Variants in CFAP54 observed in about 807,000 individuals in gnomAD.
CFAP54 encodes the protein cilia- and flagella-associated protein 54.
In CFAP54, 290 loss-of-function variants were observed where a neutral mutation model predicts 370.4. The observed-to-expected ratio is 0.78, with a 90% confidence interval of 0.71 to 0.86. The LOEUF is 0.86. Ranked by LOEUF, CFAP54 falls within the 40% of genes least tolerant of loss-of-function variation. The pLI, the probability that CFAP54 is intolerant of heterozygous loss-of-function variation, is 0.00. For synonymous variants in CFAP54, 1,206 were observed against 1,236.5 expected (o/e 0.98, Z 0.52); for missense variants, 3,399 against 3,528.7 (o/e 0.96, Z 0.93).
At chr12:96,550,802 A>T (rs1955686129) in intron 15 of CFAP54, among the ~76,000 whole-genome samples, 1 of 152,216 alleles carries the variant, frequency 6.6e-6, no homozygotes, top group African/African-American at 2.4e-5. Flanking sequence ...TTATGAGTAG[A>T]TGCTGCAGTA....
intron 67 of CFAP54, among the ~76,000 whole-genome samples, chr12:96,867,662 A>G (rs1960039587): frequency 6.6e-6 from 1 of 152,246 alleles, no homozygotes; most frequent in Non-Finnish European, 1.5e-5. Context: ...TCAGGCACAG[A>G]AAGACAAATA....
intron 15 of CFAP54, among the ~76,000 whole-genome samples, chr12:96,553,141 G>A (rs1182011195): frequency 6.6e-6 from 1 of 152,252 alleles, no homozygotes; most frequent in East Asian, 1.9e-4. Flanking sequence ...TTCATGCCTT[G>A]CAATGGTGAT....
intron 60 of CFAP54, 131 bp from the exon 61 acceptor site, chr12:96,784,586 A>G: frequency 1.6e-6 from 1 of 606,558 alleles, no homozygotes; most frequent in Non-Finnish European, 2.6e-6. Context: ...GATACAAAAG[A>G]CTTTTAAATT....
intron 46 of CFAP54, among the ~76,000 whole-genome samples, chr12:96,704,166 G>A (rs186147095): frequency 1.5e-3 from 231 of 151,968 alleles, no homozygotes; most frequent in African/African-American, 5.0e-3. Context: ...AGTGGCTCAC[G>A]CCTATAATCC....
At chr12:96,852,686 T>G (rs1399364478) in intron 66 of CFAP54, among the ~76,000 whole-genome samples, 1 of 152,132 alleles carries the variant, frequency 6.6e-6, no homozygotes, top group Non-Finnish European at 1.5e-5. Context: ...TATTTTAAGA[T>G]ACCATAAAGA....
intron 67 of CFAP54, among the ~76,000 whole-genome samples, chr12:96,871,161 G>C (rs1960152984): frequency 1.3e-5 from 2 of 152,186 alleles, no homozygotes; most frequent in Non-Finnish European, 2.9e-5. Context: ...ACATGGACAT[G>C]ATGAGACTCC....
intron 12 of CFAP54, among the ~76,000 whole-genome samples, chr12:96,536,324 A>G (rs1485329911): frequency 2.0e-5 from 3 of 152,192 alleles, no homozygotes; most frequent in Non-Finnish European, 4.4e-5. Context: ...ATGAAATTTC[A>G]TTTGAAAATT....
At chr12:96,606,125 G>C (rs1186066504) in intron 26 of CFAP54, among the ~76,000 whole-genome samples, 1 of 152,158 alleles carries the variant, frequency 6.6e-6, no homozygotes, top group African/African-American at 2.4e-5. Flanking sequence ...AAAAAGAAAA[G>C]CATTTAAAGG....
chr12:96,535,780 G>A (rs1328511685), intron 12 of CFAP54, among the ~76,000 whole-genome samples, 180 bp downstream of exon 12: 1 of 152,032 alleles, frequency 6.6e-6, no homozygotes, highest in African/African-American at 2.4e-5. Flanking sequence ...TTTTATTATT[G>A]TTGTCATTTT....
chr12:96,515,632 A>G (rs1244079642), intron 5 of CFAP54, among the ~76,000 whole-genome samples: 1 of 152,150 alleles, frequency 6.6e-6, no homozygotes, highest in Non-Finnish European at 1.5e-5. Flanking sequence ...CAAGTATGTT[A>G]TAGCCTAAGA....
Position 96,572,239 on chromosome 12 carries a change from T to C in CFAP54, c.2620-4346T>C, listed in dbSNP as rs574199805. ...AGGCAAGTACAGAGGTAACATATTATGTAATACCTGCTAAAATAAAGATAC... is the reference window on the plus strand; with the variant it reads ...AGGCAAGTACAGAGGTAACATATTACGTAATACCTGCTAAAATAAAGATAC... On this transcript the variant is annotated intron_variant, in intron 19 of 67. Transcript: ENST00000524981. Among the ~76,000 whole-genome samples the C allele has an allele frequency of 3.9e-5, 6 of 152,284 alleles. No individual in the cohort carries two copies. In the South Asian group the frequency reaches 8.3e-4, roughly 21 times the overall value.
At chr12:96,566,812 C>A (rs1231242253) in intron 19 of CFAP54, among the ~76,000 whole-genome samples, 1 of 152,140 alleles carries the variant, frequency 6.6e-6, no homozygotes, top group Admixed American at 6.6e-5. Flanking sequence ...ATTGGAAGTT[C>A]ACTATGTGCC....
chr12:96,678,785 C>T (rs1041043461), intron 39 of CFAP54, among the ~76,000 whole-genome samples: 5 of 152,114 alleles, frequency 3.3e-5, no homozygotes, highest in Non-Finnish European at 7.4e-5. Flanking sequence ...AGTGTCCCAT[C>T]CCTTCAGCTA....
At chr12:96,836,028 AAGAT>A (rs1357441039) in intron 66 of CFAP54, among the ~76,000 whole-genome samples, 14 of 152,334 alleles carry the variant, frequency 9.2e-5, no homozygotes, top group African/African-American at 3.1e-4. Context: ...AGGGAACAGA[AAGAT>A]AGCCACAGCA....
chr12:96,770,123 T>C (rs1022157613), intron 60 of CFAP54, among the ~76,000 whole-genome samples: 6 of 152,100 alleles, frequency 3.9e-5, no homozygotes, highest in Non-Finnish European at 7.4e-5. Flanking sequence ...ACTACTCAAA[T>C]CCCAAATAAT....
rs550249022 is a variant in CFAP54, at chr12:96,792,444, G to T, written c.8795G>T (p.Cys2932Phe). 1 of 1,535,786 alleles carries T rather than the reference G, an allele frequency of 6.5e-7. No homozygotes were observed. Among genetic ancestry groups the T allele is most frequent in the Non-Finnish European group, 8.7e-7 (1 of 1,146,800 alleles). The stretch of plus-strand genomic sequence containing the variant: ...ACGCAAGCTTCAAACAAAGAACTTT[G>T]CTTTCAATGGTACATTCCTCCCCTG... ...MVTQASNKEL[C>F]FQWYIPPLDR... The change falls in exon 63 of 68, where the codon TGC (cysteine) becomes TTC (phenylalanine). Residue 2932 changes from cysteine to phenylalanine, a missense_variant. Transcript: ENST00000524981.
intron 66 of CFAP54, among the ~76,000 whole-genome samples, chr12:96,856,221 C>T (rs1019054478): frequency 6.6e-6 from 1 of 152,156 alleles, no homozygotes; most frequent in Non-Finnish European, 1.5e-5. Flanking sequence ...CTCCTAGACC[C>T]TGGGCCTGCC....
At chr12:96,594,234 G>C in intron 24 of CFAP54, 57 bp from the exon 25 acceptor site, 5 of 1,223,664 alleles carry the variant, frequency 4.1e-6, no homozygotes, top group Non-Finnish European at 5.5e-6. Context: ...TCTCCGTAGA[G>C]ACACATACGC....
Position 96,776,832 on chromosome 12 carries a change from T to G in CFAP54, c.8282-7885T>G, listed in dbSNP as rs541692468. Among the ~76,000 whole-genome samples the G allele has an allele frequency of 2.6e-5, 4 of 152,358 alleles. No individual in the cohort carries two copies. In the South Asian group the frequency reaches 8.3e-4, roughly 32 times the overall value. On this transcript the variant is annotated intron_variant, in intron 60 of 67. Coordinates refer to ENST00000524981, the MANE Select transcript of CFAP54 (RefSeq NM_001306084.2). ...TTGTATATTAGGCATTTGGAAAATA[T>G]GGACTTCAAATATGCAGGTCTTCTA...
Sources: gnomAD v4.1 joint callset for allele counts (sites outside exome capture counted in the v4.1 genomes callset) on GRCh38, gnomAD v4.1.1 for gene constraint, MANE v1.5 for transcripts, NCBI Gene and HGNC (gene_info 2026-07-23, HGNC 2026-07-21) for gene names.